The following CASZ1 variants were observed in gnomAD, a reference collection of about 807,000 sequenced individuals.
CASZ1 encodes zinc finger protein castor homolog 1.
Under a neutral mutation model 135.2 loss-of-function variants are expected in CASZ1, and 28 were observed. The ratio of observed to expected loss-of-function variants is 0.21; its 90% CI spans 0.15 to 0.28. The LOEUF (loss-of-function observed/expected upper bound fraction) is 0.28. CASZ1 is among the 10% of genes least tolerant of loss of function. CASZ1 has a pLI of 1.00. For missense variants in CASZ1, 2,161 were observed against 2,453.3 expected, an observed-to-expected ratio of 0.88 and a Z score of 2.52; for synonymous variants, 1,068 against 1,073.4, an observed-to-expected ratio of 0.99 and a Z score of 0.10.
intron 4 of CASZ1, among the ~76,000 whole-genome samples, chr1:10,685,445 C>A (rs1456253768): frequency 6.6e-6 from 1 of 152,208 alleles, no homozygotes; most frequent in African/African-American, 2.4e-5. Flanking sequence ...TCATCTAGGC[C>A]CATTCCCAAG....
chr1:10,653,285 A>G, intron 11 of CASZ1, 92 bp downstream of exon 11: 1 of 1,293,334 alleles, frequency 7.7e-7, no homozygotes, highest in Non-Finnish European at 1.1e-6. Context: ...ACTTCTTCCA[A>G]ACACCCCCCG....
At chr1:10,796,216 C>A (rs1641067825) in intron 1 of CASZ1, among the ~76,000 whole-genome samples, 1 of 152,148 alleles carries the variant, frequency 6.6e-6, no homozygotes, top group Non-Finnish European at 1.5e-5. Context: ...ACCCCGCCAC[C>A]CCCTCAGTTG....
chr1:10,715,645 C>CAGCACCCAATCCACACCCCAG (rs1557527712), intron 2 of CASZ1, among the ~76,000 whole-genome samples: 1 of 142,270 alleles, frequency 7.0e-6, no homozygotes, highest in African/African-American at 2.7e-5. Flanking sequence ...CCGCACCCCA[C>CAGCACCCAATCCACACCCCAG]AGCACCCAAT....
At chr1:10,640,512 C>T (rs1303002879) in intron 20 of CASZ1, among the ~76,000 whole-genome samples, 3 of 152,238 alleles carry the variant, frequency 2.0e-5, no homozygotes, top group Admixed American at 6.5e-5. Flanking sequence ...GCCGGCTACC[C>T]GGCTTCCCTG....
At chr1:10,704,443 C>G (rs1269691386) in intron 3 of CASZ1, 1 of 152,200 alleles carries the variant, frequency 6.6e-6, no homozygotes, top group African/African-American at 2.4e-5. Flanking sequence ...TACACCGGGC[C>G]GCCTCTGATC....
intron 8 of CASZ1, 44 bp downstream of exon 8, chr1:10,656,602 G>A (rs1295398488): frequency 2.1e-6 from 3 of 1,419,478 alleles, no homozygotes; most frequent in African/African-American, 1.4e-5. Flanking sequence ...CCTCCATGCT[G>A]TGCTGGTGGC....
In CASZ1 at chr1:10,648,016, C is replaced by T. The variant is rs567886897; in HGVS notation, c.3282G>A (p.Thr1094=). The part of the protein sequence containing the change: ...PSSPPVPPVT[T]ATVSSLEGPA... ...GCCCCTCCAGAGAGGACACCGTGGC[C>T]GTGGTGACAGGAGGGACCGGAGGGG... The change falls in exon 16 of 21, where the codon ACG becomes ACA. Residue 1094 remains threonine, a synonymous_variant. Transcript: ENST00000377022. 5.1e-5 allele frequency: 81 copies of T among 1,599,246 alleles called. No individual in the cohort carries two copies. In the South Asian group the frequency reaches 8.0e-4, roughly 16 times the overall value.
intron 2 of CASZ1, among the ~76,000 whole-genome samples, chr1:10,710,550 G>A (rs563866724): frequency 6.6e-6 from 1 of 152,356 alleles, no homozygotes; most frequent in African/African-American, 2.4e-5. Flanking sequence ...TCTGGCAAAG[G>A]AGTCAGCAAG....
In CASZ1 at chr1:10,735,732, G is replaced by A. The variant is rs188596501; in HGVS notation, c.-77+24969C>T. ...TGAGGTCAAATGCTTTTCAAGTCACGGGCATCTGCCTACCAAGGGACAGGC... is the reference window on the plus strand; with the variant it reads ...TGAGGTCAAATGCTTTTCAAGTCACAGGCATCTGCCTACCAAGGGACAGGC... On this transcript the variant is annotated intron_variant, in intron 2 of 20. Coordinates refer to ENST00000377022, the MANE Select transcript of CASZ1 (RefSeq NM_001079843.3). This position sits in a 1 kb window ranked among gnomAD's most constrained non-coding sequence, Gnocchi z 5.1. 2.4e-3 allele frequency among the ~76,000 whole-genome samples: 371 copies of A among 152,244 alleles called. 4 individuals are homozygous for A. Among genetic ancestry groups the A allele is most frequent in the African/African-American group, 7.6e-3 (316 of 41,536 alleles).
chr1:10,671,161 C>T (rs2100318845), intron 4 of CASZ1, among the ~76,000 whole-genome samples: 1 of 152,326 alleles, frequency 6.6e-6, no homozygotes, highest in East Asian at 1.9e-4. Context: ...GCGTAAGTAA[C>T]TCTATAAATC....
At chr1:10,786,027 C>A (rs772407197) in intron 1 of CASZ1, among the ~76,000 whole-genome samples, 1 of 152,218 alleles carries the variant, frequency 6.6e-6, no homozygotes, top group Admixed American at 6.5e-5. Flanking sequence ...GCTCCTGATC[C>A]CACGCGCCGC....
At chr1:10,723,175 C>G (rs934744191) in intron 2 of CASZ1, among the ~76,000 whole-genome samples, 1 of 152,230 alleles carries the variant, frequency 6.6e-6, no homozygotes, top group Non-Finnish European at 1.5e-5. Context: ...AAGGCCCCGC[C>G]TGCCAGTGTG....
intron 2 of CASZ1, among the ~76,000 whole-genome samples, chr1:10,736,500 T>G (rs1358591846): frequency 6.6e-6 from 1 of 152,146 alleles, no homozygotes; most frequent in South Asian, 2.1e-4. Flanking sequence ...GGGATTCTGA[T>G]TTGGGCAGTC....
intron 4 of CASZ1, among the ~76,000 whole-genome samples, chr1:10,681,440 C>T (rs1638418010): frequency 6.6e-6 from 1 of 152,184 alleles, no homozygotes; most frequent in Admixed American, 6.5e-5. Flanking sequence ...CCCTCAGCGG[C>T]AGAAACTGCT....
chr1:10,649,022 C>G, intron 15 of CASZ1, 48 bp downstream of exon 15: 2 of 1,597,442 alleles, frequency 1.3e-6, no homozygotes, highest in South Asian at 1.1e-5. Context: ...CAGAGCCAGG[C>G]TGGGATCCGT....
chr1:10,716,291 A>G (rs1474958837), intron 2 of CASZ1, among the ~76,000 whole-genome samples: 1 of 151,824 alleles, frequency 6.6e-6, no homozygotes, highest in Non-Finnish European at 1.5e-5. Flanking sequence ...TCCACACTCC[A>G]CAGCACCCAA....
chr1:10,723,642 G>T (rs796461088), intron 2 of CASZ1, among the ~76,000 whole-genome samples: 112 of 152,278 alleles, frequency 7.4e-4, no homozygotes, highest in African/African-American at 2.5e-3. Context: ...CTTTCTCATG[G>T]CTTAGAGGAA....
intron 9 of CASZ1, among the ~76,000 whole-genome samples, chr1:10,654,958 G>A (rs1424771176): frequency 6.6e-6 from 1 of 152,194 alleles, no homozygotes; most frequent in Non-Finnish European, 1.5e-5. Context: ...GGTGGACAGG[G>A]GCTGGACCCT....
intron 1 of CASZ1, among the ~76,000 whole-genome samples, chr1:10,782,849 T>TA (rs1640787335): frequency 1.3e-5 from 2 of 152,016 alleles, no homozygotes; most frequent in Admixed American, 1.3e-4. Context: ...CAAACAGAAA[T>TA]CATAATTCTT....
Sources: allele counts gnomAD v4.1 joint callset (sites outside exome capture counted in the v4.1 genomes callset), GRCh38; gene constraint gnomAD v4.1.1; non-coding constraint Gnocchi (gnomAD v3.1); transcripts MANE v1.5; gene names NCBI Gene and HGNC (gene_info 2026-07-23, HGNC 2026-07-21).